ZFHX3: variants seen among roughly 807,000 people sequenced by gnomAD.
ZFHX3 encodes the protein zinc finger homeobox protein 3.
In ZFHX3, 42 loss-of-function variants were observed where a neutral mutation model predicts 279.1. The observed-to-expected ratio is 0.15, with a 90% confidence interval of 0.12 to 0.19. ZFHX3 has a LOEUF of 0.19. Among genes scored for constraint, ZFHX3 ranks in the 10% least tolerant of loss-of-function variants. The pLI, the probability that ZFHX3 is intolerant of heterozygous loss-of-function variation, is 1.00. For synonymous variants in ZFHX3, 2,293 were observed against 1,957.8 expected, an observed-to-expected ratio of 1.17 and a Z score of -4.52; for missense variants, 4,981 against 4,754.0, an observed-to-expected ratio of 1.05 and a Z score of -1.40.
intron 2 of ZFHX3, among the ~76,000 whole-genome samples, chr16:73,466,116 TAATTATA>T (rs1233609687): frequency 6.6e-6 from 1 of 151,958 alleles, no homozygotes; most frequent in Non-Finnish European, 1.5e-5. Context: ...AACATGAACT[TAATTATA>T]GCTCTACAAA....
rs199685442 is a variant in ZFHX3, at chr16:72,784,252, GAAAAAA to G, written c.*2906_*2911del. On this transcript the variant is annotated 3_prime_UTR_variant, in exon 10 of 10. Coordinates refer to ENST00000268489, the MANE Select transcript of ZFHX3 (RefSeq NM_006885.4). ...AGGGAGGATGGCATAGTAGCTCCATGAAAAAAAAAAACAAAAACAAAAACAAAAACC... is the reference window on the plus strand; with the variant it reads ...AGGGAGGATGGCATAGTAGCTCCATGAAAAACAAAAACAAAAACAAAAACC... 1.5e-5 allele frequency: 2 copies of G among 135,636 alleles called. No individual in the cohort carries two copies. Among genetic ancestry groups the G allele is most frequent in the African/African-American group, 5.4e-5 (2 of 37,138 alleles). 8.4% of individuals were successfully genotyped at this position (135,636 alleles called of 1,614,324 possible).
intron 8 of ZFHX3, among the ~76,000 whole-genome samples, chr16:73,066,520 G>A (rs574552472): frequency 6.6e-6 from 1 of 152,180 alleles, no homozygotes; most frequent in South Asian, 2.1e-4. Flanking sequence ...GGCCAGTGCA[G>A]AGTCGCCGCA....
intron 2 of ZFHX3, among the ~76,000 whole-genome samples, chr16:72,956,866 T>A (rs1010201065): frequency 1.1e-4 from 17 of 151,774 alleles, no homozygotes; most frequent in African/African-American, 3.9e-4. Flanking sequence ...GAGGTCCTCA[T>A]AAATATACAG....
At chr16:73,020,681 G>A (rs1597100271) in intron 1 of ZFHX3, among the ~76,000 whole-genome samples, 1 of 152,154 alleles carries the variant, frequency 6.6e-6, no homozygotes, top group African/African-American at 2.4e-5. Context: ...TTGACTCAAC[G>A]ATTCTTCAAT....
intron 4 of ZFHX3, among the ~76,000 whole-genome samples, chr16:73,310,843 A>T (rs2143163824): frequency 6.8e-6 from 1 of 148,068 alleles, no homozygotes; most frequent in South Asian, 2.2e-4. Flanking sequence ...ATATAGGCTC[A>T]CCCTGTAATA....
chr16:73,126,369 A>G (rs906384768), intron 7 of ZFHX3, among the ~76,000 whole-genome samples: 3 of 152,170 alleles, frequency 2.0e-5, no homozygotes, highest in African/African-American at 7.2e-5. Context: ...AGCAGCCTAG[A>G]TGGAGGGAAG....
At chr16:73,014,474 TAA>T (rs1964024559) in intron 1 of ZFHX3, 1 of 150,774 alleles carries the variant, frequency 6.6e-6, no homozygotes, top group Admixed American at 6.6e-5. Context: ...AATGCAAACT[TAA>T]GTTTGTGTTT....
chr16:73,048,882 A>C (rs1310866475), upstream of ZFHX3, among the ~76,000 whole-genome samples: 1 of 152,234 alleles, frequency 6.6e-6, no homozygotes, highest in African/African-American at 2.4e-5. Context: ...GATAGGAAGA[A>C]AAGAAGTGGG....
chr16:73,434,928 C>T lies in ZFHX3; in HGVS notation c.-1291+21075G>A, dbSNP rs951673327. ...AAGAGTCACACCTGCCTACTAGAGT[C>T]GTGGGGTGGATTAAATGAATGAATA... On this transcript the variant is annotated intron_variant, in intron 3 of 17. Transcript: ENST00000641206. Among the ~76,000 whole-genome samples the T allele has an allele frequency of 3.9e-5, 6 of 152,078 alleles. No homozygotes were observed. In the East Asian group the frequency reaches 9.6e-4, roughly 24 times the overall value.
At chr16:73,295,601 G>C (rs903224956) in intron 4 of ZFHX3, among the ~76,000 whole-genome samples, 5 of 152,202 alleles carry the variant, frequency 3.3e-5, no homozygotes, top group Non-Finnish European at 5.9e-5. Flanking sequence ...AACTGGGTAA[G>C]AACGTTTACG....
chr16:73,057,693 G>A (rs113437386), intron 1 of ZFHX3, among the ~76,000 whole-genome samples: 2,781 of 151,864 alleles, frequency 0.018, 85 homozygotes, highest in African/African-American at 0.064. Context: ...CTAGTGTCCA[G>A]GGCAGAGTCC....
intron 5 of ZFHX3, among the ~76,000 whole-genome samples, chr16:72,826,028 C>G (rs758921853): frequency 1.3e-5 from 2 of 152,150 alleles, no homozygotes; most frequent in Admixed American, 6.5e-5. Context: ...AAGGCAGGCC[C>G]TATAATCTCA....
chr16:73,778,251 A>AAAAAAAAG (rs1959328445), intron 1 of ZFHX3, among the ~76,000 whole-genome samples: 1 of 150,184 alleles, frequency 6.7e-6, no homozygotes, highest in African/African-American at 2.4e-5. Flanking sequence ...AAAAAAAAAA[A>AAAAAAAAG]AAAAAAAAAA....
chr16:73,019,337 T>TG (rs1250646544), intron 1 of ZFHX3, among the ~76,000 whole-genome samples: 42 of 123,970 alleles, frequency 3.4e-4, no homozygotes, highest in Non-Finnish European at 5.7e-4. Context: ...CGTGTGTGTG[T>TG]CTGTGCGTGT....
chr16:73,333,814 A>C (rs1401035449), intron 3 of ZFHX3, among the ~76,000 whole-genome samples: 4 of 150,874 alleles, frequency 2.7e-5, no homozygotes, highest in African/African-American at 9.7e-5. Context: ...CCAAAAAAAA[A>C]AAAAAAAAAA....
chr16:73,226,779 G>C (rs977242294), intron 5 of ZFHX3, among the ~76,000 whole-genome samples: 13 of 152,168 alleles, frequency 8.5e-5, no homozygotes, highest in African/African-American at 2.9e-4. Context: ...TTTGGGATAA[G>C]GAAATGGCTT....
Position 72,856,600 on chromosome 16 carries a change from G to A in ZFHX3, c.3449-26741C>T, listed in dbSNP as rs528674932. On this transcript the variant is annotated intron_variant, in intron 4 of 9. Coordinates refer to ENST00000268489, the MANE Select transcript of ZFHX3 (RefSeq NM_006885.4). Reference sequence around the variant, plus strand: ...AGCTGCCCAGGGCAGACAGAGGTACGTGTAGGTCCAAGGGCTTAGATTCCT... The same window carrying A: ...AGCTGCCCAGGGCAGACAGAGGTACATGTAGGTCCAAGGGCTTAGATTCCT... Among the ~76,000 whole-genome samples the A allele has an allele frequency of 5.3e-5, 8 of 152,320 alleles. No homozygotes were observed. The South Asian group carries it at 1.0e-3, about 20-fold the overall frequency.
chr16:73,320,207 G>A (rs1470090698), intron 3 of ZFHX3, among the ~76,000 whole-genome samples: 2 of 152,126 alleles, frequency 1.3e-5, no homozygotes, highest in Non-Finnish European at 2.9e-5. Flanking sequence ...GTTTGACATG[G>A]AATTCATCGT....
intron 4 of ZFHX3, among the ~76,000 whole-genome samples, chr16:73,305,361 T>G (rs756778353): frequency 1.3e-4 from 20 of 151,988 alleles, no homozygotes; most frequent in Non-Finnish European, 2.2e-4. Flanking sequence ...TTCACAAACA[T>G]CAGTTAGGTG....
Sources: allele counts gnomAD v4.1 joint callset (sites outside exome capture counted in the v4.1 genomes callset), GRCh38; gene constraint gnomAD v4.1.1; transcripts MANE v1.5; gene names NCBI Gene and HGNC (gene_info 2026-07-23, HGNC 2026-07-21).